Variants in SAMD12 observed in about 807,000 individuals in gnomAD.
SAMD12 encodes the protein sterile alpha motif domain containing 12.
Under a neutral mutation model 15.0 loss-of-function variants are expected in SAMD12, and 9 were observed. The ratio of observed to expected loss-of-function variants is 0.60; its 90% CI spans 0.36 to 1.05. SAMD12 has a LOEUF of 1.05. Ranked by LOEUF, SAMD12 falls within the 50% of genes least tolerant of loss-of-function variation. The probability of loss-of-function intolerance (pLI) is 0.01; values close to 1 mark genes in which losing one functional copy is unlikely to be tolerated. For missense variants in SAMD12, 230 were observed against 234.2 expected (o/e 0.98, Z 0.12); for synonymous variants, 86 against 90.1 (o/e 0.96, Z 0.25).
intron 2 of SAMD12, among the ~76,000 whole-genome samples, chr8:118,495,577 C>G (rs1476779575): frequency 7.0e-6 from 1 of 143,372 alleles, no homozygotes. Context: ...TACCTTATCT[C>G]TTTAATTTGT....
At chr8:118,157,414 C>CAGA in the SAMD12 span, among the ~76,000 whole-genome samples, 1 of 152,122 alleles carries the variant, frequency 6.6e-6, no homozygotes, top group Non-Finnish European at 1.5e-5. Context: ...CCTCCAGGGA[C>CAGA]AGAAGGTCAG....
At chr8:118,177,384 G>A in the SAMD12 span, among the ~76,000 whole-genome samples, 1 of 152,016 alleles carries the variant, frequency 6.6e-6, no homozygotes, top group Non-Finnish European at 1.5e-5. Context: ...GGGACTATGG[G>A]CATGCACCAT....
intron 4 of SAMD12, among the ~76,000 whole-genome samples, chr8:118,360,901 C>T (rs1818465918): frequency 6.6e-6 from 1 of 152,172 alleles, no homozygotes; most frequent in Admixed American, 6.5e-5. Flanking sequence ...TGCTGGCCTT[C>T]TGGAAGGGTT....
intron 1 of SAMD12, among the ~76,000 whole-genome samples, chr8:118,584,301 A>G (rs560563660): frequency 1.3e-5 from 2 of 152,312 alleles, no homozygotes; most frequent in East Asian, 1.9e-4. Context: ...CCTAATATTT[A>G]CAAATCAAAC....
chr8:118,363,885 C>A (rs1456826290), intron 4 of SAMD12, among the ~76,000 whole-genome samples: 1 of 152,118 alleles, frequency 6.6e-6, no homozygotes, highest in African/African-American at 2.4e-5. Flanking sequence ...GAACTAAATG[C>A]AGAATTTATT....
intron 4 of SAMD12, among the ~76,000 whole-genome samples, chr8:118,202,140 T>C (rs889101913): frequency 4.7e-5 from 7 of 148,926 alleles, no homozygotes; most frequent in African/African-American, 7.4e-5. Flanking sequence ...AAAGGACTCA[T>C]AGGAAAAGCA....
chr8:118,518,593 T>A (rs1278747919), intron 2 of SAMD12, among the ~76,000 whole-genome samples: 2 of 152,252 alleles, frequency 1.3e-5, no homozygotes, highest in Non-Finnish European at 1.5e-5. Context: ...CAACAAATGT[T>A]TATTGTGTTA....
intron 2 of SAMD12, among the ~76,000 whole-genome samples, chr8:118,482,462 A>AT (rs34893679): frequency 0.13 from 19,623 of 151,756 alleles, 1,381 homozygotes; most frequent in East Asian, 0.27. Context: ...GACGGGAAAT[A>AT]TATATTTTTT....
intron 2 of SAMD12, among the ~76,000 whole-genome samples, chr8:118,556,722 T>A (rs1220630124): frequency 1.3e-5 from 2 of 152,020 alleles, no homozygotes; most frequent in African/African-American, 4.8e-5. Context: ...CCCAGTACTT[T>A]GGGAGGCCGA....
rs1180830985 is a variant in SAMD12 at position 118,411,987 on chromosome 8, T to G, written c.322+27845A>C. Among the ~76,000 whole-genome samples the G allele has an allele frequency of 3.3e-5, 5 of 152,174 alleles. No individual in the cohort carries two copies. The East Asian group carries it at 9.6e-4, about 29-fold the overall frequency. On this transcript the variant is annotated intron_variant, in intron 3 of 3. Transcript: ENST00000314727. ...AGGATTTTATATATTTTTAAAGGAT[T>G]GTTTTAAAAAGAATAAATTTCAACA... is the stretch of plus-strand genomic sequence containing the variant.
At chr8:118,517,517 C>T (rs1825276519) in intron 2 of SAMD12, among the ~76,000 whole-genome samples, 2 of 152,150 alleles carry the variant, frequency 1.3e-5, no homozygotes, top group Admixed American at 1.3e-4. Flanking sequence ...GGAAGTATAT[C>T]ACATCCATGA....
intron 4 of SAMD12, among the ~76,000 whole-genome samples, chr8:118,309,658 T>C (rs762673931): frequency 6.6e-6 from 1 of 152,178 alleles, no homozygotes. Flanking sequence ...TACTCCCTTA[T>C]ATATTCAGAA....
At chr8:118,146,545 C>T in the SAMD12 span, among the ~76,000 whole-genome samples, 6 of 152,338 alleles carry the variant, frequency 3.9e-5, no homozygotes, top group East Asian at 1.2e-3. Context: ...TAGGAAAACA[C>T]AGCTATGTTG....
rs531277684 is a variant in SAMD12, at chr8:118,379,226, A to C, written c.*191T>G. On this transcript the variant is annotated 3_prime_UTR_variant, in exon 4 of 4. Coordinates refer to ENST00000314727, the MANE Select transcript of SAMD12 (RefSeq NM_207506.3). Reference sequence around the variant, plus strand: ...CAGTTGTGCAGGCTGCACATTATACAACTCTAGTGAGTGCAATCGTACCCT... The same window carrying C: ...CAGTTGTGCAGGCTGCACATTATACCACTCTAGTGAGTGCAATCGTACCCT... 3.5e-6 allele frequency: 5 copies of C among 1,409,622 alleles called. No individual in the cohort carries two copies. The East Asian group carries it at 1.3e-4, about 36-fold the overall frequency. The allele number at this position is 1,409,622 out of a possible 1,614,324, so 87.3% of individuals were successfully genotyped here.
intron 1 of SAMD12, among the ~76,000 whole-genome samples, chr8:118,610,973 A>G (rs1828095829): frequency 6.6e-6 from 1 of 152,256 alleles, no homozygotes; most frequent in East Asian, 1.9e-4. Context: ...TCAGGACCCC[A>G]TTTCTGATTT....
At chr8:118,327,555 G>A (rs1278911273) in intron 4 of SAMD12, among the ~76,000 whole-genome samples, 3 of 152,266 alleles carry the variant, frequency 2.0e-5, no homozygotes, top group Admixed American at 6.5e-5. Flanking sequence ...TCGAGGAAGA[G>A]GGGAAAGATG....
intron 3 of SAMD12, among the ~76,000 whole-genome samples, chr8:118,417,989 T>G (rs918954433): frequency 1.4e-4 from 22 of 152,218 alleles, no homozygotes; most frequent in Admixed American, 7.2e-4. Flanking sequence ...CGAATATTCT[T>G]GGCTGGTGCA....
chr8:118,609,954 T>C (rs916389087), intron 1 of SAMD12, among the ~76,000 whole-genome samples: 3 of 152,186 alleles, frequency 2.0e-5, no homozygotes, highest in African/African-American at 7.2e-5. Context: ...ATGACAGGAA[T>C]CTTGAAGCTC....
At chr8:118,514,725 C>G (rs942333685) in intron 2 of SAMD12, among the ~76,000 whole-genome samples, 6 of 152,134 alleles carry the variant, frequency 3.9e-5, no homozygotes, top group African/African-American at 1.4e-4. Context: ...TGGTTAATAA[C>G]AAAGATTAAG....
Sources: allele counts gnomAD v4.1 joint callset (sites outside exome capture counted in the v4.1 genomes callset), GRCh38; gene constraint gnomAD v4.1.1; transcripts MANE v1.5; gene names NCBI Gene and HGNC (gene_info 2026-07-23, HGNC 2026-07-21).